MSR1: variants seen among roughly 807,000 people sequenced by gnomAD.
MSR1 encodes the protein macrophage scavenger receptor 1, also known as macrophage scavenger receptor types I and II.
Under a neutral mutation model 47.2 loss-of-function variants are expected in MSR1, and 53 were observed. That is an observed-to-expected ratio of 1.12 (90% CI 0.90 to 1.41). The LOEUF (loss-of-function observed/expected upper bound fraction) is 1.41. Ranked by LOEUF, MSR1 falls within the 40% of genes most tolerant of loss-of-function variation. The pLI is 0.00. For synonymous variants in MSR1, 239 were observed against 185.6 expected, an observed-to-expected ratio of 1.29 and a Z score of -2.34; for missense variants, 786 against 546.9, an observed-to-expected ratio of 1.44 and a Z score of -4.36.
In MSR1 at chr8:16,150,220, T is replaced by C. The variant is rs1254678015; in HGVS notation, c.979+11A>G. 1 of 1,444,844 alleles carries C rather than the reference T, an allele frequency of 6.9e-7. No homozygotes were observed. The allele number at this position is 1,444,844 out of a possible 1,614,324, so 89.5% of individuals were successfully genotyped here. On this transcript the variant is annotated intron_variant, in intron 7 of 9. Coordinates refer to ENST00000262101, the MANE Select transcript of MSR1 (RefSeq NM_138715.3). ...CATATTCTATAAAGAAAATACACATTATTGTAATACCTGGCCTTCCGGCAT... is the reference window on the plus strand; with the variant it reads ...CATATTCTATAAAGAAAATACACATCATTGTAATACCTGGCCTTCCGGCAT...
intron 9 of MSR1, among the ~76,000 whole-genome samples, chr8:16,115,805 C>G (rs1799865116): frequency 6.6e-6 from 1 of 151,786 alleles, no homozygotes; most frequent in Admixed American, 6.6e-5. Context: ...TAGCAAGAAC[C>G]TGTCTCTATA....
At chr8:16,128,098 C>T (rs1322037460) in intron 8 of MSR1, among the ~76,000 whole-genome samples, 1 of 152,106 alleles carries the variant, frequency 6.6e-6, no homozygotes, top group Non-Finnish European at 1.5e-5. Context: ...ATCAAATTTA[C>T]TTATGGTGCA....
At chr8:16,167,904 A>C (rs2117179974) in intron 4 of MSR1, among the ~76,000 whole-genome samples, 1 of 152,304 alleles carries the variant, frequency 6.6e-6, no homozygotes. Flanking sequence ...AATGTAGGAA[A>C]CACTGATAGA....
At chr8:16,189,187 TAC>T (rs1232671700) in intron 1 of MSR1, among the ~76,000 whole-genome samples, 3 of 143,342 alleles carry the variant, frequency 2.1e-5, no homozygotes, top group African/African-American at 7.6e-5. Context: ...ATTTCATATA[TAC>T]GTAAAACCTT....
chr8:16,166,663 T>C (rs1280135043), intron 4 of MSR1, among the ~76,000 whole-genome samples: 1 of 152,108 alleles, frequency 6.6e-6, no homozygotes, highest in Non-Finnish European at 1.5e-5. Context: ...AGTCGTACAG[T>C]CCTTTTCACC....
At chr8:16,156,746 C>T (rs879173534) in intron 5 of MSR1, among the ~76,000 whole-genome samples, 1 of 151,490 alleles carries the variant, frequency 6.6e-6, no homozygotes, top group Admixed American at 6.6e-5. Context: ...CAACATGTTA[C>T]AGGGCTTTTA....
chr8:16,189,196 C>G (rs575439190), intron 1 of MSR1, among the ~76,000 whole-genome samples: 6 of 135,536 alleles, frequency 4.4e-5, no homozygotes, highest in Admixed American at 1.5e-4. Context: ...ATACGTAAAA[C>G]CTTATTTTAT....
At chr8:16,117,643 T>C (rs1799906441) in intron 9 of MSR1, among the ~76,000 whole-genome samples, 1 of 152,144 alleles carries the variant, frequency 6.6e-6, no homozygotes, top group African/African-American at 2.4e-5. Flanking sequence ...CTGAAAAGCC[T>C]GCTTCCATTT....
At chr8:16,182,530 A>T (rs1801864226) in intron 1 of MSR1, among the ~76,000 whole-genome samples, 2 of 151,908 alleles carry the variant, frequency 1.3e-5, no homozygotes, top group African/African-American at 4.8e-5. Context: ...ATTTCTTTCT[A>T]AACAGCTTTA....
chr8:16,121,191 G>T (rs1324923509), intron 8 of MSR1: 1 of 411,250 alleles, frequency 2.4e-6, no homozygotes, highest in Non-Finnish European at 4.8e-6. Context: ...CTGTAACAAA[G>T]ATTTTTGTGT....
At chr8:16,122,066 ATATAAT>A (rs1800018277) in intron 8 of MSR1, among the ~76,000 whole-genome samples, 1 of 152,102 alleles carries the variant, frequency 6.6e-6, no homozygotes, top group South Asian at 2.1e-4. Context: ...GTTACTATAT[ATATAAT>A]TATAATTATT....
intron 6 of MSR1, among the ~76,000 whole-genome samples, chr8:16,153,348 T>C (rs1473237763): frequency 6.6e-6 from 1 of 152,064 alleles, no homozygotes; most frequent in Non-Finnish European, 1.5e-5. Flanking sequence ...TTAGGAAAGA[T>C]GCCTGGTATT....
At chr8:16,137,085 C>T (rs1800408486) in intron 8 of MSR1, among the ~76,000 whole-genome samples, 2 of 151,776 alleles carry the variant, frequency 1.3e-5, no homozygotes, top group South Asian at 4.2e-4. Context: ...TTGGAGCAGC[C>T]AAATAATAGT....
At chr8:16,185,351 G>C (rs1432444096) in intron 1 of MSR1, among the ~76,000 whole-genome samples, 1 of 152,094 alleles carries the variant, frequency 6.6e-6, no homozygotes, top group Admixed American at 6.6e-5. Flanking sequence ...ATCAGCTTTT[G>C]TTTTACATAA....
chr8:16,146,748 A>T (rs1040444956), intron 7 of MSR1, among the ~76,000 whole-genome samples: 1 of 152,094 alleles, frequency 6.6e-6, no homozygotes, highest in Admixed American at 6.6e-5. Context: ...GCTTTATGCT[A>T]TGCCCCTTCT....
Position 16,120,418 on chromosome 8 carries a change from C to G in MSR1, c.1222G>C (p.Gly408Arg). 4 of 1,613,608 alleles carry G rather than the reference C, an allele frequency of 2.5e-6. No homozygotes were observed. The highest frequency in any genetic ancestry group is 3.4e-6 in the Non-Finnish European group (4 of 1,179,782). Residue 408 changes from glycine to arginine, a missense_variant and splice_region_variant, in exon 9 of 10, where the codon GGT becomes CGT. Gly to Arg is a moderately radical substitution (Grantham distance 125). Coordinates refer to ENST00000262101, the MANE Select transcript of MSR1 (RefSeq NM_138715.3). ...AVHKAAHFGQ[G>R]TGPIWLNEVF... ...CCTCACAAGATTTTCTTTAAATTACCTTGTCCAAAGTGAGCTGCCTTGTGC... is the reference window on the plus strand; with the variant it reads ...CCTCACAAGATTTTCTTTAAATTACGTTGTCCAAAGTGAGCTGCCTTGTGC...
intron 9 of MSR1, among the ~76,000 whole-genome samples, chr8:16,114,669 G>T (rs1226942236): frequency 2.0e-5 from 3 of 152,048 alleles, no homozygotes; most frequent in Non-Finnish European, 4.4e-5. Flanking sequence ...AGAAAAAAAG[G>T]TGCATCCAAA....
chr8:16,131,441 G>GTTTTTTTTTTTTTGTT (rs1800254491), intron 8 of MSR1, among the ~76,000 whole-genome samples: 23 of 54,662 alleles, frequency 4.2e-4, no homozygotes, highest in African/African-American at 1.9e-3. Context: ...TCTGTTGATA[G>GTTTTTTTTTTTTTGTT]TTTTTTTTTT....
intron 5 of MSR1, among the ~76,000 whole-genome samples, chr8:16,163,200 G>A (rs1277749518): frequency 1.3e-5 from 2 of 151,794 alleles, no homozygotes; most frequent in African/African-American, 4.8e-5. Flanking sequence ...ATCCAAAAGT[G>A]GCAATACAGC....
Sources: allele counts gnomAD v4.1 joint callset (sites outside exome capture counted in the v4.1 genomes callset), GRCh38; gene constraint gnomAD v4.1.1; transcripts MANE v1.5; gene names NCBI Gene and HGNC (gene_info 2026-07-23, HGNC 2026-07-21).